PDZD2: variants seen among roughly 807,000 people sequenced by gnomAD.
PDZD2 encodes the protein PDZ domain containing 2, also known as PDZ domain-containing protein 2.
A neutral mutation model predicts 220.7 loss-of-function variants in PDZD2; 90 were observed. That is an observed-to-expected ratio of 0.41 (90% CI 0.34 to 0.49). PDZD2 has a LOEUF of 0.49. Ranked by LOEUF, PDZD2 falls within the 20% of genes least tolerant of loss-of-function variation. PDZD2 has a pLI of 0.28. For synonymous variants in PDZD2, 1,375 were observed against 1,450.5 expected (o/e 0.95, Z 1.18); for missense variants, 3,174 against 3,608.5 (o/e 0.88, Z 3.08).
chr5:31,681,949 A>T (rs1746666634), intron 1 of PDZD2, among the ~76,000 whole-genome samples: 1 of 152,236 alleles, frequency 6.6e-6, no homozygotes, highest in Admixed American at 6.5e-5. Flanking sequence ...GTAGTGGCAT[A>T]GCTTAGATTC....
chr5:31,710,188 T>C (rs909257030), intron 1 of PDZD2, among the ~76,000 whole-genome samples: 4 of 152,124 alleles, frequency 2.6e-5, no homozygotes, highest in East Asian at 1.9e-4. Flanking sequence ...GAAAAATGCA[T>C]GTAAAGAGCA....
intron 1 of PDZD2, among the ~76,000 whole-genome samples, chr5:31,755,555 G>A (rs763638645): frequency 1.3e-5 from 2 of 151,602 alleles, no homozygotes; most frequent in Non-Finnish European, 2.9e-5. Context: ...CCAACTCCAC[G>A]CATCAGTAAA....
intron 1 of PDZD2, among the ~76,000 whole-genome samples, chr5:31,791,326 C>CA (rs1256048694): frequency 6.6e-6 from 1 of 152,034 alleles, no homozygotes; most frequent in African/African-American, 2.4e-5. Context: ...CGCAGTGGCT[C>CA]ACGCCTGTAA....
intron 1 of PDZD2, among the ~76,000 whole-genome samples, chr5:31,783,107 A>T (rs879751131): frequency 2.6e-5 from 4 of 152,170 alleles, no homozygotes; most frequent in Non-Finnish European, 5.9e-5. Context: ...ACTTTATTTT[A>T]GATAAAGTTG....
intron 2 of PDZD2, among the ~76,000 whole-genome samples, chr5:31,812,803 A>G (rs1755199448): frequency 6.6e-6 from 1 of 152,186 alleles, no homozygotes; most frequent in African/African-American, 2.4e-5. Context: ...CTGTTCTCAA[A>G]TTCTTGGCCT....
chr5:31,965,619 G>A, intron 2 of PDZD2, among the ~76,000 whole-genome samples: 1 of 152,180 alleles, frequency 6.6e-6, no homozygotes, highest in East Asian at 1.9e-4. Flanking sequence ...CTTCGGCTGG[G>A]CGCAGTGGTT....
intron 2 of PDZD2, among the ~76,000 whole-genome samples, chr5:31,809,889 T>C (rs1428101151): frequency 6.6e-6 from 1 of 152,190 alleles, no homozygotes. Context: ...CTGCTCCTCC[T>C]CTGGTACCCT....
At chr5:32,086,408 G>T (rs1021442294) in intron 19 of PDZD2, among the ~76,000 whole-genome samples, 2 of 152,158 alleles carry the variant, frequency 1.3e-5, no homozygotes, top group Non-Finnish European at 2.9e-5. Flanking sequence ...ACCCAAGTGT[G>T]CAATGATTAA....
intron 1 of PDZD2, among the ~76,000 whole-genome samples, chr5:31,667,878 T>C (rs6898347): frequency 7.8e-6 from 1 of 128,692 alleles, no homozygotes; most frequent in East Asian, 2.2e-4. Context: ...TTTTTTTTTT[T>C]TGAGATGGAA....
At chr5:31,831,384 G>A (rs6864997) in intron 2 of PDZD2, among the ~76,000 whole-genome samples, 45,723 of 151,344 alleles carry the variant, frequency 0.3, 6,951 homozygotes, top group Admixed American at 0.36. Flanking sequence ...GGGAGGCCGA[G>A]GCGGGTGGAT....
intron 1 of PDZD2, among the ~76,000 whole-genome samples, chr5:31,746,973 G>C (rs1422311916): frequency 6.6e-6 from 1 of 152,128 alleles, no homozygotes; most frequent in African/African-American, 2.4e-5. Context: ...TCAGGAGTTC[G>C]AGACCAGCCT....
At chr5:31,945,842 T>A (rs1450243852) in intron 2 of PDZD2, among the ~76,000 whole-genome samples, 1 of 152,132 alleles carries the variant, frequency 6.6e-6, no homozygotes, top group East Asian at 1.9e-4. Flanking sequence ...TCCTTACTAT[T>A]TCTGCTATTC....
At chr5:31,835,291 A>G (rs917378877) in intron 2 of PDZD2, among the ~76,000 whole-genome samples, 1 of 152,056 alleles carries the variant, frequency 6.6e-6, no homozygotes, top group Non-Finnish European at 1.5e-5. Context: ...CCTTTCTTCT[A>G]TGTGCTGTGC....
rs1053291490 is a variant in PDZD2 at position 32,098,609 on chromosome 5, G to A, written c.8193G>A (p.Lys2731=). The change falls in exon 23 of 25, where the codon AAG becomes AAA. Residue 2731 remains lysine (K), a synonymous_variant. Coordinates refer to ENST00000438447, the MANE Select transcript of PDZD2 (RefSeq NM_178140.4). This position sits in a 1 kb window ranked among gnomAD's most constrained non-coding sequence, Gnocchi z 4.1. The part of the protein sequence containing the change: ...TANGKGLLSR[K]TIPLEPGIGR... Reference sequence around the variant, plus strand: ...ATGGGAAGGGTTTGCTGTCCAGAAAGACCATCCCCCTGGAGCCTGGCATTG... The same window carrying A: ...ATGGGAAGGGTTTGCTGTCCAGAAAAACCATCCCCCTGGAGCCTGGCATTG... 25 of 1,614,060 alleles carry A rather than the reference G, an allele frequency of 1.5e-5. No individual in the cohort carries two copies. The highest frequency in any genetic ancestry group is 2.1e-5 in the Non-Finnish European group (25 of 1,179,976).
At chr5:31,854,627 T>C (rs1401308574) in intron 2 of PDZD2, among the ~76,000 whole-genome samples, 1 of 152,146 alleles carries the variant, frequency 6.6e-6, no homozygotes, top group Non-Finnish European at 1.5e-5. Context: ...GGGAGAACTT[T>C]TGGTGCAAAC....
At chr5:31,912,854 G>A (rs759312511) in intron 2 of PDZD2, among the ~76,000 whole-genome samples, 4 of 152,162 alleles carry the variant, frequency 2.6e-5, no homozygotes, top group East Asian at 1.9e-4. Flanking sequence ...CCATTCCCAC[G>A]TTTCTCTCTG....
At chr5:32,068,397 C>T (rs1740418679) in intron 14 of PDZD2, among the ~76,000 whole-genome samples, 1 of 152,236 alleles carries the variant, frequency 6.6e-6, no homozygotes. Flanking sequence ...AGGTCCACAG[C>T]AAGATGTGCT....
intron 1 of PDZD2, among the ~76,000 whole-genome samples, chr5:31,743,295 A>C (rs901581792): frequency 3.3e-5 from 5 of 151,758 alleles, no homozygotes; most frequent in Admixed American, 3.3e-4. Context: ...CAGCCTCAGC[A>C]TCCCCAATGG....
At chr5:32,056,703 G>T (rs1004078806) in intron 10 of PDZD2, among the ~76,000 whole-genome samples, 1 of 152,160 alleles carries the variant, frequency 6.6e-6, no homozygotes, top group African/African-American at 2.4e-5. Context: ...GCACATGCCT[G>T]GCAAATTAAC....
Sources: gnomAD v4.1 joint callset for allele counts (sites outside exome capture counted in the v4.1 genomes callset) on GRCh38, gnomAD v4.1.1 for gene constraint, Gnocchi (gnomAD v3.1) non-coding constraint, MANE v1.5 for transcripts, NCBI Gene and HGNC (gene_info 2026-07-23, HGNC 2026-07-21) for gene names.